Variants in WRN observed in about 807,000 individuals in gnomAD.
WRN encodes the protein WRN RecQ like helicase.
In WRN, 149 loss-of-function variants were observed where a neutral mutation model predicts 180.7. That is an observed-to-expected ratio of 0.82 (90% CI 0.72 to 0.94). The LOEUF (loss-of-function observed/expected upper bound fraction) is 0.94. Ranked by LOEUF, WRN falls within the 40% of genes least tolerant of loss-of-function variation. The probability of loss-of-function intolerance (pLI) is 0.00; values close to 1 mark genes in which losing one functional copy is unlikely to be tolerated. For synonymous variants in WRN, 548 were observed against 568.9 expected, an observed-to-expected ratio of 0.96 and a Z score of 0.52; for missense variants, 1,661 against 1,700.1, an observed-to-expected ratio of 0.98 and a Z score of 0.40.
intron 29 of WRN, 103 bp from the exon 30 acceptor site, chr8:31,147,261 A>C: frequency 6.9e-7 from 1 of 1,455,874 alleles, no homozygotes; most frequent in South Asian, 1.2e-5. Context: ...ATTTCAGTTT[A>C]TATTCATTCT....
At chr8:31,093,094 A>G (rs546339974) in intron 16 of WRN, among the ~76,000 whole-genome samples, 12 of 152,232 alleles carry the variant, frequency 7.9e-5, no homozygotes, top group African/African-American at 1.4e-4. Context: ...ATGTTCCACC[A>G]TGCCTGGCTA....
At position 31,124,094 on chromosome 8, in the gene WRN, G is replaced by A. The variant is rs11574321; in HGVS notation, c.2631-428G>A. Among the ~76,000 whole-genome samples the A allele has an allele frequency of 1.1e-4, 17 of 152,100 alleles. No homozygotes were observed. The East Asian group carries it at 1.9e-3, about 17-fold the overall frequency. On this transcript the variant is annotated intron_variant, in intron 21 of 34. Coordinates refer to ENST00000298139, the MANE Select transcript of WRN (RefSeq NM_000553.6). Reference sequence around the variant, plus strand: ...TTGAGCTTCTTTCAGTGTTCCTTACGTCAATGCTTTTAGTTTCTCATACAA... The same window carrying A: ...TTGAGCTTCTTTCAGTGTTCCTTACATCAATGCTTTTAGTTTCTCATACAA...
At chr8:31,092,005 A>G in intron 16 of WRN, 107 bp downstream of exon 16, 7 of 1,026,428 alleles carry the variant, frequency 6.8e-6, no homozygotes, top group Non-Finnish European at 1.0e-5. Context: ...TGAGTAATTT[A>G]TGTCATTTCT....
intron 1 of WRN, among the ~76,000 whole-genome samples, 192 bp from the exon 2 acceptor site, chr8:31,058,170 CCAGAATTATA>C (rs2129999192): frequency 6.6e-6 from 1 of 152,212 alleles, no homozygotes; most frequent in African/African-American, 2.4e-5. Context: ...TTCGAAACTA[CCAGAATTATA>C]CAAGTCAATT....
At chr8:31,126,617 T>G (rs2130352121) in intron 23 of WRN, among the ~76,000 whole-genome samples, 1 of 152,014 alleles carries the variant, frequency 6.6e-6, no homozygotes. Context: ...GAAGTAAACA[T>G]AAGGAAATAA....
chr8:31,096,872 C>G, intron 17 of WRN, 22 bp downstream of exon 17: 1 of 1,593,264 alleles, frequency 6.3e-7, no homozygotes, highest in Non-Finnish European at 8.6e-7. Flanking sequence ...AGAAAGATCT[C>G]TGTAAATACT....
At chr8:31,148,859 C>T (rs1189186480) in intron 30 of WRN, among the ~76,000 whole-genome samples, 2 of 152,172 alleles carry the variant, frequency 1.3e-5, no homozygotes, top group Non-Finnish European at 2.9e-5. Context: ...AAGATACTAG[C>T]TCCTTACCTT....
chr8:31,150,948 T>G lies in WRN; in HGVS notation c.3687+493T>G, dbSNP rs191621032. Among the ~76,000 whole-genome samples, 79 of 152,314 alleles carry G rather than the reference T, an allele frequency of 5.2e-4. 1 individual carries two copies. Among genetic ancestry groups the G allele is most frequent in the Non-Finnish European group, 6.6e-4 (45 of 68,022 alleles). On this transcript the variant is annotated intron_variant, in intron 31 of 34. Coordinates refer to ENST00000298139, the MANE Select transcript of WRN (RefSeq NM_000553.6). Reference sequence around the variant, plus strand: ...TGTTTCCTTCATATCCTTTTATTATTGCTTGTTCTGCCCTAAGTGACCATT... The same window carrying G: ...TGTTTCCTTCATATCCTTTTATTATGGCTTGTTCTGCCCTAAGTGACCATT...
intron 19 of WRN, among the ~76,000 whole-genome samples, chr8:31,115,844 C>T (rs1426142300): frequency 1.3e-5 from 2 of 151,160 alleles, no homozygotes; most frequent in African/African-American, 4.8e-5. Flanking sequence ...CTCAAGATTA[C>T]TAGTAAATAC....
intron 16 of WRN, among the ~76,000 whole-genome samples, chr8:31,096,390 A>T (rs1476121562): frequency 6.6e-6 from 1 of 152,208 alleles, no homozygotes; most frequent in East Asian, 1.9e-4. Context: ...GTCTACCCAG[A>T]ATAGAAATTA....
chr8:31,163,111 C>T (rs974589912), intron 33 of WRN, among the ~76,000 whole-genome samples: 3 of 152,180 alleles, frequency 2.0e-5, no homozygotes, highest in South Asian at 2.1e-4. Flanking sequence ...TGTGCACACG[C>T]GCACGCATGC....
chr8:31,158,265 G>C (rs1282553325), intron 33 of WRN, among the ~76,000 whole-genome samples: 1 of 152,118 alleles, frequency 6.6e-6, no homozygotes. Context: ...ATTGGTATCA[G>C]TTACTGTGAC....
At chr8:31,145,528 C>T (rs1563379174) in intron 28 of WRN, among the ~76,000 whole-genome samples, 1 of 152,134 alleles carries the variant, frequency 6.6e-6, no homozygotes, top group African/African-American at 2.4e-5. Flanking sequence ...ACTTAGTCAC[C>T]AAGAGCCGTA....
intron 16 of WRN, among the ~76,000 whole-genome samples, chr8:31,092,600 T>A (rs1813794196): frequency 6.6e-6 from 1 of 151,982 alleles, no homozygotes; most frequent in Non-Finnish European, 1.5e-5. Context: ...CATTAAGCAG[T>A]TGCTTTCTTT....
rs11574412 is a variant in WRN, at chr8:31,173,517, C to G, written c.*415C>G. 3.4e-3 allele frequency: 633 copies of G among 188,554 alleles called. 6 individuals carry two copies. The highest frequency in any genetic ancestry group is 0.014 in the African/African-American group (607 of 42,620). The allele number at this position is 188,554 out of a possible 1,614,324, so 11.7% of individuals were successfully genotyped here. On this transcript the variant is annotated 3_prime_UTR_variant, in exon 35 of 35. Transcript: ENST00000298139. ...ATTCTGTTTTGTAAATGTAAGAAAG[C>G]ATAGTTATTTTACAAATTGTTTTTA... is the stretch of plus-strand genomic sequence containing the variant.
intron 11 of WRN, among the ~76,000 whole-genome samples, chr8:31,086,380 C>T (rs1327565810): frequency 6.6e-6 from 1 of 152,020 alleles, no homozygotes; most frequent in Non-Finnish European, 1.5e-5. Flanking sequence ...TGAGACCAAC[C>T]TGGGCAACAT....
At chr8:31,089,729 T>G (rs1813669305) in intron 13 of WRN, among the ~76,000 whole-genome samples, 1 of 151,962 alleles carries the variant, frequency 6.6e-6, no homozygotes, top group Admixed American at 6.6e-5. Context: ...CCATGATATT[T>G]TATTAAGAAA....
chr8:31,135,975 T>C (rs1802383992), intron 24 of WRN, among the ~76,000 whole-genome samples: 1 of 152,224 alleles, frequency 6.6e-6, no homozygotes. Context: ...TTCCATGATA[T>C]GTCAGTTTTG....
At chr8:31,097,656 A>G (rs914905202) in intron 17 of WRN, among the ~76,000 whole-genome samples, 3 of 152,166 alleles carry the variant, frequency 2.0e-5, no homozygotes, top group Non-Finnish European at 2.9e-5. Flanking sequence ...GTGCATGCCC[A>G]TAGTCCAAGC....
Sources: gnomAD v4.1 joint callset for allele counts (sites outside exome capture counted in the v4.1 genomes callset) on GRCh38, gnomAD v4.1.1 for gene constraint, MANE v1.5 for transcripts, NCBI Gene and HGNC (gene_info 2026-07-23, HGNC 2026-07-21) for gene names.